HMGA2: variants seen among roughly 807,000 people sequenced by gnomAD.
The protein encoded by HMGA2 is high mobility group protein HMGI-C.
A neutral mutation model predicts 19.1 loss-of-function variants in HMGA2; 8 were observed. The ratio of observed to expected loss-of-function variants is 0.42; its 90% confidence interval spans 0.25 to 0.76. The LOEUF (loss-of-function observed/expected upper bound fraction) is 0.76. Ranked by LOEUF, HMGA2 falls within the 30% of genes least tolerant of loss-of-function variation. The probability of loss-of-function intolerance (pLI) is 0.28; values close to 1 mark genes in which losing one functional copy is unlikely to be tolerated. For synonymous variants in HMGA2, 60 were observed against 48.8 expected, an observed-to-expected ratio of 1.23 and a Z score of -0.96; for missense variants, 109 against 136.3, an observed-to-expected ratio of 0.80 and a Z score of 1.00.
At chr12:65,864,602 C>G (rs1312839410) in intron 3 of HMGA2, among the ~76,000 whole-genome samples, 1 of 151,948 alleles carries the variant, frequency 6.6e-6, no homozygotes, top group Non-Finnish European at 1.5e-5. Context: ...ATTTAACATA[C>G]TAGGAAAAAA....
intron 3 of HMGA2, among the ~76,000 whole-genome samples, chr12:65,921,032 C>T (rs1390691337): frequency 6.6e-6 from 1 of 152,104 alleles, no homozygotes; most frequent in African/African-American, 2.4e-5. Context: ...CAATAAAATC[C>T]AGGTTGAGGT....
chr12:65,836,036 G>C (rs1870702931), intron 2 of HMGA2, among the ~76,000 whole-genome samples: 1 of 152,142 alleles, frequency 6.6e-6, no homozygotes, highest in African/African-American at 2.4e-5. Flanking sequence ...CATTCTAAAG[G>C]TGACAGATGG....
chr12:65,861,122 C>T (rs1467621477), intron 3 of HMGA2, among the ~76,000 whole-genome samples: 1 of 152,206 alleles, frequency 6.6e-6, no homozygotes, highest in Non-Finnish European at 1.5e-5. Context: ...AATCCCAGCA[C>T]TTTGAGAGGC....
At chr12:65,917,500 G>A (rs1295327118) in intron 3 of HMGA2, among the ~76,000 whole-genome samples, 1 of 152,174 alleles carries the variant, frequency 6.6e-6, no homozygotes, top group African/African-American at 2.4e-5. Flanking sequence ...GAATGAGGGA[G>A]GGAATGAGGG....
chr12:65,921,511 T>C (rs1875309617), intron 3 of HMGA2, among the ~76,000 whole-genome samples: 1 of 152,178 alleles, frequency 6.6e-6, no homozygotes, highest in Non-Finnish European at 1.5e-5. Flanking sequence ...CCTCCCAAAG[T>C]GCTGGGATTA....
Position 65,894,602 on chromosome 12 carries a change from A to G in HMGA2, c.249+56033A>G, listed in dbSNP as rs1255225413. 2.6e-5 allele frequency among the ~76,000 whole-genome samples: 4 copies of G among 152,210 alleles called. No homozygotes were observed. In the East Asian group the frequency reaches 7.7e-4, roughly 29 times the overall value. On this transcript the variant is annotated intron_variant, in intron 3 of 4. Coordinates refer to ENST00000403681, the MANE Select transcript of HMGA2 (RefSeq NM_003483.6). ...GTCCAGACATAGGTGGAAATTTGCA[A>G]AATGCATCAGGAAAGTATGGCAATT...
At chr12:65,921,399 T>G (rs1301595348) in intron 3 of HMGA2, among the ~76,000 whole-genome samples, 1 of 152,064 alleles carries the variant, frequency 6.6e-6, no homozygotes, top group Non-Finnish European at 1.5e-5. Context: ...CAGGTGCCCG[T>G]CACCATGCCT....
At chr12:65,927,771 C>T (rs1875557767) in intron 3 of HMGA2, among the ~76,000 whole-genome samples, 1 of 151,730 alleles carries the variant, frequency 6.6e-6, no homozygotes, top group Non-Finnish European at 1.5e-5. Context: ...TACCTGTCCT[C>T]ATAGAAAATA....
At chr12:65,928,084 G>A (rs1875577525) in intron 3 of HMGA2, among the ~76,000 whole-genome samples, 1 of 151,716 alleles carries the variant, frequency 6.6e-6, no homozygotes, top group Non-Finnish European at 1.5e-5. Flanking sequence ...TTTCATTGTT[G>A]TGTTAGCATC....
intron 3 of HMGA2, among the ~76,000 whole-genome samples, chr12:65,875,434 T>C (rs1872938748): frequency 6.6e-6 from 1 of 151,998 alleles, no homozygotes; most frequent in African/African-American, 2.4e-5. Flanking sequence ...TGTTTGTTTG[T>C]TTGTTTTGAG....
At chr12:65,930,313 G>A (rs1261700361) in intron 3 of HMGA2, among the ~76,000 whole-genome samples, 2 of 152,062 alleles carry the variant, frequency 1.3e-5, no homozygotes, top group African/African-American at 2.4e-5. Context: ...TAAAGGGTAC[G>A]GCCATGACCA....
chr12:65,841,991 CTTT>C (rs76443274), intron 3 of HMGA2: 487 of 816,960 alleles, frequency 6.0e-4, no homozygotes, highest in East Asian at 7.4e-4. Context: ...TTCCCTTCAT[CTTT>C]TTTTTTTTTT....
At chr12:65,909,190 C>T (rs991147872) in intron 3 of HMGA2, among the ~76,000 whole-genome samples, 1 of 152,136 alleles carries the variant, frequency 6.6e-6, no homozygotes, top group African/African-American at 2.4e-5. Context: ...ATGTAAGTCC[C>T]ATACCTGGGA....
intron 4 of HMGA2, among the ~76,000 whole-genome samples, chr12:65,959,283 C>G (rs2121326109): frequency 6.6e-6 from 1 of 152,288 alleles, no homozygotes; most frequent in South Asian, 2.1e-4. Context: ...TATGTGCAAA[C>G]TATATTTCTG....
chr12:65,930,311 A>C (rs1225710580), intron 3 of HMGA2, among the ~76,000 whole-genome samples: 1 of 152,144 alleles, frequency 6.6e-6, no homozygotes, highest in African/African-American at 2.4e-5. Context: ...GTTAAAGGGT[A>C]CGGCCATGAC....
chr12:65,838,672 C>G, intron 3 of HMGA2, 103 bp downstream of exon 3: 1 of 822,810 alleles, frequency 1.2e-6, no homozygotes, highest in Admixed American at 2.2e-5. Flanking sequence ...TTTCCAACTT[C>G]TGGTTTGATG....
chr12:65,830,271 A>G (rs1176332876), intron 2 of HMGA2, among the ~76,000 whole-genome samples: 4 of 151,980 alleles, frequency 2.6e-5, no homozygotes, highest in Non-Finnish European at 5.9e-5. Context: ...TTTGTTGAGT[A>G]TGTTACTATT....
intron 3 of HMGA2, among the ~76,000 whole-genome samples, chr12:65,900,869 C>T (rs896080507): frequency 6.6e-6 from 1 of 152,038 alleles, no homozygotes; most frequent in Non-Finnish European, 1.5e-5. Flanking sequence ...TTAAACATAG[C>T]CCTTACTAAA....
At chr12:65,862,706 A>G (rs1872169088) in intron 3 of HMGA2, among the ~76,000 whole-genome samples, 1 of 152,136 alleles carries the variant, frequency 6.6e-6, no homozygotes, top group Admixed American at 6.5e-5. Flanking sequence ...GAGATGAAAC[A>G]CTCATGTACT....
Sources: allele counts gnomAD v4.1 joint callset (sites outside exome capture counted in the v4.1 genomes callset), GRCh38; gene constraint gnomAD v4.1.1; transcripts MANE v1.5; gene names NCBI Gene and HGNC (gene_info 2026-07-23, HGNC 2026-07-21).